TMEM176A: variants seen among roughly 807,000 people sequenced by gnomAD.
TMEM176A encodes hepatocellular carcinoma-associated antigen 112.
In TMEM176A, 20 loss-of-function variants were observed where a neutral mutation model predicts 27.9. The observed-to-expected ratio is 0.72, with a 90% CI of 0.50 to 1.04. The LOEUF (loss-of-function observed/expected upper bound fraction) is 1.04, where lower values mean the gene tolerates loss of function less well. Ranked by LOEUF, TMEM176A falls within the 50% of genes least tolerant of loss-of-function variation. The pLI is 0.00. For synonymous variants in TMEM176A, 125 were observed against 118.0 expected, an observed-to-expected ratio of 1.06 and a Z score of -0.38; for missense variants, 252 against 289.1, an observed-to-expected ratio of 0.87 and a Z score of 0.93.
intron 3 of TMEM176A, 178 bp downstream of exon 3, chr7:150,802,503 A>G (rs1247567975): frequency 7.1e-6 from 5 of 701,906 alleles, no homozygotes; most frequent in Non-Finnish European, 1.2e-5. Flanking sequence ...GGCATGTCCT[A>G]TTCACACTGT....
chr7:150,804,930 G>T lies in TMEM176A; in HGVS notation c.*62G>T. ...GCACCGGGCGTCCCTGCATCTGACT[G>T]CTGGAAGAAGAACCAGACTGAGGAA... On this transcript the variant is annotated 3_prime_UTR_variant, in exon 7 of 7. Coordinates refer to ENST00000004103, the MANE Select transcript of TMEM176A (RefSeq NM_018487.3). The T allele has an allele frequency of 1.3e-6, 2 of 1,561,154 alleles. No homozygotes were observed. Among genetic ancestry groups the T allele is most frequent in the Admixed American group, 1.7e-5 (1 of 59,944 alleles).
Position 150,803,338 on chromosome 7 carries a change from T to C in TMEM176A, c.286-62T>C, listed in dbSNP as rs1798855777. The C allele has an allele frequency of 3.3e-6, 5 of 1,511,562 alleles. No individual in the cohort carries two copies. In the East Asian group the frequency reaches 1.1e-4, roughly 34 times the overall value. 93.6% of individuals were successfully genotyped at this position (1,511,562 alleles called of 1,614,324 possible). ...TGGGGAAGGGCCTGCATGGAGGCTC[T>C]CTCGTGGGAGAGGAGTTGCATTTCC... is the stretch of plus-strand genomic sequence containing the variant. On this transcript the variant is annotated intron_variant, in intron 3 of 6. Transcript: ENST00000004103.
chr7:150,803,668 G>A lies in TMEM176A; in HGVS notation c.391G>A (p.Ala131Thr), dbSNP rs1439405091. The stretch of plus-strand genomic sequence containing the variant: ...GCTGGCAGCTTTCTCCACAGCCATC[G>A]CTGCCCTCAAACTTTGGAATGAAGA... ...LTLAAFSTAIAALKLWNEDFR... is the reference protein window; with the variant it reads ...LTLAAFSTAITALKLWNEDFR... The change falls in exon 5 of 7, where the codon GCT becomes ACT. Residue 131 changes from alanine (A) to threonine (T), a missense_variant. Ala to Thr is a moderately conservative substitution (Grantham distance 58). Transcript: ENST00000004103. The A allele has an allele frequency of 3.7e-6, 6 of 1,613,924 alleles. No homozygotes were observed. The highest frequency in any genetic ancestry group is 1.6e-4 in the Middle Eastern group (1 of 6,084).
At chr7:150,800,871 C>T in intron 1 of TMEM176A, 43 bp downstream of exon 1, 1 of 980,346 alleles carries the variant, frequency 1.0e-6, no homozygotes, top group Non-Finnish European at 1.2e-6. Context: ...GGCCTCCTTC[C>T]GCACGCACCC....
chr7:150,801,675 C>A lies in TMEM176A; in HGVS notation c.125C>A (p.Pro42His). The change falls in exon 2 of 7, where the codon CCC (proline) becomes CAC (histidine). Residue 42 changes from proline (P) to histidine (H), a missense_variant. Physicochemically the swap from Pro to His is moderately conservative, Grantham distance 77 (BLOSUM62 -2). Transcript: ENST00000004103. ...CTCACCTGCTGCTCTGCGCTGCGGC[C>A]CCGGGCCACCCAGGCCAGGGGCAGC... ...LLLTCCSALR[P>H]RATQARGSSR... 1 of 1,605,722 alleles carries A rather than the reference C, an allele frequency of 6.2e-7. No homozygotes were observed.
chr7:150,803,926 G>A, intron 5 of TMEM176A, 94 bp downstream of exon 5: 8 of 1,183,892 alleles, frequency 6.8e-6, no homozygotes, highest in South Asian at 1.4e-5. Flanking sequence ...AGAAATAGGT[G>A]TTACCTATTC....
At position 150,804,391 on chromosome 7, in the gene TMEM176A, C is replaced by T. The variant is rs558833810; in HGVS notation, c.585C>T (p.Leu195=). The T allele has an allele frequency of 6.2e-7, 1 of 1,614,194 alleles. No individual in the cohort carries two copies. The highest frequency in any genetic ancestry group is 1.1e-5 in the South Asian group (1 of 91,078). ...TGTTCAGAACCCTTCAGGCCATGCT[C>T]TTGGGTGTCTGGATTCTGCTGCTTC... ...KALFRTLQAM[L]LGVWILLLLA... is the part of the protein sequence containing the mutation. The change falls in exon 6 of 7, where the codon CTC becomes CTT. Residue 195 remains leucine (L), a synonymous_variant. Coordinates refer to ENST00000004103, the MANE Select transcript of TMEM176A (RefSeq NM_018487.3).
At chr7:150,804,285 G>T in intron 5 of TMEM176A, 77 bp from the exon 6 acceptor site, 2 of 1,216,044 alleles carry the variant, frequency 1.6e-6, no homozygotes, top group Admixed American at 1.8e-5. Flanking sequence ...ATTTTCCCAG[G>T]TCAATAAGGA....
rs867040142 is a variant in TMEM176A, at chr7:150,801,219, G to T, written c.-15-317G>T. ...GGCCGCAGGAAGAGCCCGGGAGGAG[G>T]GGGTGAGGGGTCGAGGTGTGGGGCG... On this transcript the variant is annotated intron_variant, in intron 1 of 6. Transcript: ENST00000004103. 85 of 229,822 alleles carry T rather than the reference G, an allele frequency of 3.7e-4. No individual in the cohort carries two copies. In the Middle Eastern group the frequency reaches 8.6e-3, roughly 23 times the overall value. The allele number at this position is 229,822 out of a possible 1,614,324, so 14.2% of individuals were successfully genotyped here.
Position 150,803,705 on chromosome 7 carries a change from G to T in TMEM176A, c.428G>T (p.Gly143Val). Residue 143 changes from glycine to valine, a missense_variant, in exon 5 of 7, where the codon GGC becomes GTC. Gly to Val is a moderately radical substitution (Grantham distance 109). Coordinates refer to ENST00000004103, the MANE Select transcript of TMEM176A (RefSeq NM_018487.3). Reference protein sequence around the residue: ...LKLWNEDFRYGYSYYNSACRI... With the variant: ...LKLWNEDFRYVYSYYNSACRI... Reference sequence around the variant, plus strand: ...CTTTGGAATGAAGATTTCCGATATGGCTACTCTTATTACAACAGTGCCTGC... The same window carrying T: ...CTTTGGAATGAAGATTTCCGATATGTCTACTCTTATTACAACAGTGCCTGC... 3 of 1,614,198 alleles carry T rather than the reference G, an allele frequency of 1.9e-6. No homozygotes were observed. The Admixed American group carries it at 5.0e-5, about 27-fold the overall frequency.
chr7:150,802,009 C>A, intron 2 of TMEM176A: 1 of 614,612 alleles, frequency 1.6e-6, no homozygotes, highest in Non-Finnish European at 2.8e-6. Flanking sequence ...CCTCTCCTTC[C>A]TTTCCCTTCT....
intron 2 of TMEM176A, 179 bp from the exon 3 acceptor site, chr7:150,802,036 G>A (rs1166668823): frequency 3.2e-6 from 2 of 616,114 alleles, no homozygotes; most frequent in Non-Finnish European, 5.7e-6. Flanking sequence ...TCCTCCTCCT[G>A]CCTCTTCTTC....
At position 150,802,226 on chromosome 7, in the gene TMEM176A, C is replaced by A. The variant is rs757325954; in HGVS notation, c.186C>A (p.Ile62=). The A allele has an allele frequency of 1.9e-5, 31 of 1,613,840 alleles. 1 individual carries two copies. In the South Asian group the frequency reaches 2.4e-4, roughly 13 times the overall value. The part of the protein sequence containing the change: ...RLLVASWVMQ[I]VLGILSAVLG... Reference sequence around the variant, plus strand: ...CCTTTGTCTTTCAGGTGATGCAGATCGTGCTGGGGATCTTGAGTGCAGTCC... The same window carrying A: ...CCTTTGTCTTTCAGGTGATGCAGATAGTGCTGGGGATCTTGAGTGCAGTCC... Residue 62 remains isoleucine, a synonymous_variant, in exon 3 of 7, where the codon ATC becomes ATA. Transcript: ENST00000004103.
Position 150,800,797 on chromosome 7 carries a change from C to T in TMEM176A, c.-47C>T, listed in dbSNP as rs930540046. ...TCTCCAGCCAGCGCCCCAGCCCTCCCGCCGCCCGCTCGCAGGTCCCGAGGA... is the reference window on the plus strand; with the variant it reads ...TCTCCAGCCAGCGCCCCAGCCCTCCTGCCGCCCGCTCGCAGGTCCCGAGGA... On this transcript the variant is annotated 5_prime_UTR_variant, in exon 1 of 7. Transcript: ENST00000004103. 2.2e-5 allele frequency: 9 copies of T among 418,280 alleles called. No homozygotes were observed. Among genetic ancestry groups the T allele is most frequent in the African/African-American group, 1.7e-4 (8 of 46,186 alleles). 25.9% of individuals were successfully genotyped at this position (418,280 alleles called of 1,614,324 possible). A position where few individuals can be genotyped will look rare whatever the true frequency, so the allele number is the denominator to read the frequency against.
intron 3 of TMEM176A, 69 bp downstream of exon 3, chr7:150,802,394 C>A: frequency 7.3e-7 from 1 of 1,362,924 alleles, no homozygotes; most frequent in Non-Finnish European, 1.0e-6. Flanking sequence ...GATTGCCTTC[C>A]TCCAACATGG....
In TMEM176A at chr7:150,804,822, A is replaced by G. The variant is rs2116744113; in HGVS notation, c.667-5A>G. On this transcript the variant is annotated splice_region_variant and splice_polypyrimidine_tract_variant and intron_variant, in intron 6 of 6. Coordinates refer to ENST00000004103, the MANE Select transcript of TMEM176A (RefSeq NM_018487.3). ...ACGATTGTCTTGCCTTTCCTCTTCC[A>G]TTAGAAAAGAGACCAGAAGGAAATG... is the stretch of plus-strand genomic sequence containing the variant. 1.2e-6 allele frequency: 2 copies of G among 1,614,150 alleles called. No individual in the cohort carries two copies. The highest frequency in any genetic ancestry group is 1.7e-6 in the Non-Finnish European group (2 of 1,180,024).
In TMEM176A at chr7:150,803,619, G is replaced by A; in HGVS notation, c.343-1G>A. 1 of 1,613,914 alleles carries A rather than the reference G, an allele frequency of 6.2e-7. No homozygotes were observed. Among genetic ancestry groups the A allele is most frequent in the Non-Finnish European group, 8.5e-7 (1 of 1,179,992 alleles). On this transcript the variant is annotated splice_acceptor_variant, in intron 4 of 6. Transcript: ENST00000004103. LOFTEE classifies it high-confidence loss of function. ...TTTCTCTCTGCCTCCTCCCTCCCCA[G>A]GCCCTGCTGAGGACTCTGCTAACGC...
At chr7:150,803,341 C>G (rs1264383241) in intron 3 of TMEM176A, 59 bp from the exon 4 acceptor site, 1 of 1,513,580 alleles carries the variant, frequency 6.6e-7, no homozygotes, top group Admixed American at 2.3e-5. Context: ...GAGGCTCTCT[C>G]GTGGGAGAGG....
chr7:150,804,960 G>A lies in TMEM176A; in HGVS notation c.*92G>A. The A allele has an allele frequency of 7.1e-7, 1 of 1,414,362 alleles. No homozygotes were observed. The highest frequency in any genetic ancestry group is 1.0e-6 in the Non-Finnish European group (1 of 1,000,420). The allele number at this position is 1,414,362 out of a possible 1,614,324, so 87.6% of individuals were successfully genotyped here. ...AAGAAGAACCAGACTGAGGAAAAGAGGCTCTTCAACAGCCCCAGTTATCCT... is the reference window on the plus strand; with the variant it reads ...AAGAAGAACCAGACTGAGGAAAAGAAGCTCTTCAACAGCCCCAGTTATCCT... On this transcript the variant is annotated 3_prime_UTR_variant, in exon 7 of 7. Coordinates refer to ENST00000004103, the MANE Select transcript of TMEM176A (RefSeq NM_018487.3).
Sources: allele counts gnomAD v4.1 joint callset, GRCh38; gene constraint gnomAD v4.1.1; transcripts MANE v1.5; gene names NCBI Gene and HGNC (gene_info 2026-07-23, HGNC 2026-07-21).